Variants in GLI3 observed in about 807,000 individuals in gnomAD.
The protein encoded by GLI3 is transcription activator GLI3.
In GLI3, 20 loss-of-function variants were observed where a neutral mutation model predicts 100.8. The observed-to-expected ratio is 0.20, with a 90% CI of 0.14 to 0.29. The LOEUF (loss-of-function observed/expected upper bound fraction) is 0.29, where lower values mean the gene tolerates loss of function less well. Among genes scored for constraint, GLI3 ranks in the 10% least tolerant of loss-of-function variants. GLI3 has a pLI of 1.00. For missense variants in GLI3, 2,040 were observed against 2,128.5 expected, an observed-to-expected ratio of 0.96 and a Z score of 0.82; for synonymous variants, 938 against 860.5, an observed-to-expected ratio of 1.09 and a Z score of -1.58.
chr7:42,185,545 G>A (rs1298484595), intron 2 of GLI3, among the ~76,000 whole-genome samples: 8 of 152,200 alleles, frequency 5.3e-5, no homozygotes, highest in Non-Finnish European at 4.4e-5. Flanking sequence ...CTACAGATGA[G>A]CTCTAGCTTC....
At chr7:42,046,617 T>G (rs1407395275) in intron 5 of GLI3, among the ~76,000 whole-genome samples, 1 of 152,188 alleles carries the variant, frequency 6.6e-6, no homozygotes, top group African/African-American at 2.4e-5. Flanking sequence ...ACAAAGCAGA[T>G]GATAAGAGTG....
intron 10 of GLI3, among the ~76,000 whole-genome samples, chr7:41,988,532 G>T (rs555424883): frequency 6.6e-6 from 1 of 151,300 alleles, no homozygotes; most frequent in Non-Finnish European, 1.5e-5. Context: ...TCATGAAAGG[G>T]ATTAGTGACC....
chr7:42,170,287 TAC>T (rs1391940438), intron 2 of GLI3, among the ~76,000 whole-genome samples: 4 of 124,004 alleles, frequency 3.2e-5, no homozygotes, highest in Admixed American at 8.1e-5. Flanking sequence ...TATATATATA[TAC>T]ACACACATAT....
intron 12 of GLI3, among the ~76,000 whole-genome samples, chr7:41,974,550 C>T (rs1051520648): frequency 6.6e-6 from 1 of 152,032 alleles, no homozygotes; most frequent in Admixed American, 6.5e-5. Context: ...ATAAGGAATA[C>T]AAAATCTGAT....
intron 4 of GLI3, among the ~76,000 whole-genome samples, chr7:42,072,140 C>A (rs994329864): frequency 7.9e-5 from 12 of 152,106 alleles, no homozygotes; most frequent in Non-Finnish European, 1.5e-5. Context: ...ATCCACAGCA[C>A]AAAGCAAGAG....
intron 2 of GLI3, among the ~76,000 whole-genome samples, chr7:42,199,017 T>G (rs1787986195): frequency 6.6e-6 from 1 of 151,940 alleles, no homozygotes; most frequent in Non-Finnish European, 1.5e-5. Flanking sequence ...CAAAATTTAT[T>G]ATGATGATAG....
At chr7:41,982,831 G>A (rs968252598) in intron 10 of GLI3, among the ~76,000 whole-genome samples, 1 of 152,090 alleles carries the variant, frequency 6.6e-6, no homozygotes, top group African/African-American at 2.4e-5. Context: ...CTGATGAGTT[G>A]TGTACCTTTG....
rs553618752 is a variant in GLI3, at chr7:42,172,107, C to A, written c.125-23639G>T. On this transcript the variant is annotated intron_variant, in intron 2 of 14. Transcript: ENST00000395925. ...TCTACTCCTGGATGTATTCACATTG[C>A]TTAAACATAGTGACATGGGAGTTGG... Among the ~76,000 whole-genome samples, 62 of 151,812 alleles carry A rather than the reference C, an allele frequency of 4.1e-4. 1 individual carries two copies. The highest frequency in any genetic ancestry group is 3.9e-4 in the East Asian group (2 of 5,130).
chr7:42,190,181 GA>G (rs1180830359), intron 2 of GLI3, among the ~76,000 whole-genome samples: 1 of 150,010 alleles, frequency 6.7e-6, no homozygotes, highest in Non-Finnish European at 1.5e-5. Flanking sequence ...TTTACAAGTT[GA>G]AAAAGGTAAG....
At chr7:42,135,379 G>C (rs1175630195) in intron 3 of GLI3, among the ~76,000 whole-genome samples, 1 of 152,130 alleles carries the variant, frequency 6.6e-6, no homozygotes, top group Non-Finnish European at 1.5e-5. Context: ...TTATTTTCCT[G>C]ATGTAGCAGG....
Position 41,966,685 on chromosome 7 carries a change from T to G in GLI3, c.2432-44A>C. 1 of 1,604,686 alleles carries G rather than the reference T, an allele frequency of 6.2e-7. No individual in the cohort carries two copies. Among genetic ancestry groups the G allele is most frequent in the Non-Finnish European group, 8.5e-7 (1 of 1,172,998 alleles). On this transcript the variant is annotated intron_variant, in intron 14 of 14. Coordinates refer to ENST00000395925, the MANE Select transcript of GLI3 (RefSeq NM_000168.6). This position sits in a 1 kb window ranked among gnomAD's most constrained non-coding sequence, Gnocchi z 5.8. ...AGAGACCATGCGGAGATGAATTCCC[T>G]TCGAGCATGACTTACACCAGGCATG...
chr7:42,261,519 C>T (rs1180409037), intron 1 of GLI3, among the ~76,000 whole-genome samples: 1 of 152,178 alleles, frequency 6.6e-6, no homozygotes, highest in Non-Finnish European at 1.5e-5. Context: ...TCAGGAATGA[C>T]AAACCAGAGT....
At chr7:42,117,383 TAGTTTTACA>T (rs1276839862) in intron 3 of GLI3, among the ~76,000 whole-genome samples, 1 of 152,182 alleles carries the variant, frequency 6.6e-6, no homozygotes, top group Admixed American at 6.5e-5. Flanking sequence ...GTCTGACAGG[TAGTTTTACA>T]TGTTTTACAT....
At chr7:42,182,721 C>CACATAT (rs61387587) in intron 2 of GLI3, among the ~76,000 whole-genome samples, 2 of 68,480 alleles carry the variant, frequency 2.9e-5, no homozygotes, top group Non-Finnish European at 5.3e-5. Context: ...TATAAATACA[C>CACATAT]ACACACACAC....
chr7:42,117,328 G>T (rs760864179), intron 3 of GLI3, among the ~76,000 whole-genome samples: 2 of 152,204 alleles, frequency 1.3e-5, no homozygotes, highest in African/African-American at 4.8e-5. Context: ...CCACCTAGGT[G>T]CACCCTTATA....
At chr7:42,130,138 T>G (rs1786237062) in intron 3 of GLI3, among the ~76,000 whole-genome samples, 1 of 152,110 alleles carries the variant, frequency 6.6e-6, no homozygotes, top group Admixed American at 6.5e-5. Context: ...CCGGTTCTTA[T>G]AGCTCCCCAG....
intron 2 of GLI3, among the ~76,000 whole-genome samples, chr7:42,212,572 C>A (rs371813533): frequency 1.3e-5 from 2 of 152,134 alleles, no homozygotes; most frequent in African/African-American, 4.8e-5. Context: ...TGAAGAAAAA[C>A]ACAATTATTG....
At chr7:42,016,954 CAGTCTTTG>C (rs1443254218) in intron 10 of GLI3, among the ~76,000 whole-genome samples, 2 of 152,152 alleles carry the variant, frequency 1.3e-5, no homozygotes, top group Admixed American at 6.5e-5. Context: ...TCAGACTGTC[CAGTCTTTG>C]AGGGTGTAAA....
At chr7:42,083,554 G>A (rs1327810401) in intron 3 of GLI3, among the ~76,000 whole-genome samples, 1 of 152,200 alleles carries the variant, frequency 6.6e-6, no homozygotes, top group African/African-American at 2.4e-5. Context: ...CTGACCAGCT[G>A]AGACAGGAAA....
Sources: gnomAD v4.1 joint callset for allele counts (sites outside exome capture counted in the v4.1 genomes callset) on GRCh38, gnomAD v4.1.1 for gene constraint, Gnocchi (gnomAD v3.1) non-coding constraint, MANE v1.5 for transcripts, NCBI Gene and HGNC (gene_info 2026-07-23, HGNC 2026-07-21) for gene names.